WDR76: variants seen among roughly 807,000 people sequenced by gnomAD.
WDR76 encodes WD repeat domain 76.
In WDR76, 52 loss-of-function variants were observed where a neutral mutation model predicts 70.2. The ratio of observed to expected loss-of-function variants is 0.74; its 90% CI spans 0.59 to 0.93. The LOEUF is 0.93. Among genes scored for constraint, WDR76 ranks in the 40% least tolerant of loss-of-function variants. The probability of loss-of-function intolerance (pLI) is 0.00; values close to 1 mark genes in which losing one functional copy is unlikely to be tolerated. For synonymous variants in WDR76, 292 were observed against 271.1 expected (o/e 1.08, Z -0.76); for missense variants, 756 against 760.2 (o/e 0.99, Z 0.07).
rs1026791869 is a variant in WDR76, at chr15:43,848,802, G to C, written c.1033-2285G>C. On this transcript the variant is annotated intron_variant, in intron 8 of 12. Transcript: ENST00000263795. ...AAAAATACAAAATTAGCTGGGTATG[G>C]TGATGTGCACCTGTAATCCCAGCCA... is the stretch of plus-strand genomic sequence containing the variant. Among the ~76,000 whole-genome samples, 2 of 152,138 alleles carry C rather than the reference G, an allele frequency of 1.3e-5. 1 individual carries two copies. The highest frequency in any genetic ancestry group is 4.1e-4 in the South Asian group (2 of 4,824).
intron 2 of WDR76, among the ~76,000 whole-genome samples, chr15:43,834,267 T>G (rs541232688): frequency 1.2e-3 from 184 of 151,996 alleles, no homozygotes; most frequent in Non-Finnish European, 1.8e-3. Context: ...CTACTGCGTT[T>G]AAGGGAAGTT....
At chr15:43,836,017 C>G (rs2087651451) in intron 3 of WDR76, 144 bp from the exon 4 acceptor site, 1 of 583,678 alleles carries the variant, frequency 1.7e-6, no homozygotes, top group East Asian at 3.4e-5. Flanking sequence ...TACAGTGGCG[C>G]TGATCATGAC....
At chr15:43,863,360 A>G (rs1418541991) in intron 12 of WDR76, among the ~76,000 whole-genome samples, 1 of 152,100 alleles carries the variant, frequency 6.6e-6, no homozygotes, top group African/African-American at 2.4e-5. Flanking sequence ...CGTACTTACC[A>G]TTTTTTTGTG....
intron 2 of WDR76, among the ~76,000 whole-genome samples, chr15:43,830,314 G>A (rs1363910251): frequency 6.6e-6 from 1 of 151,970 alleles, no homozygotes; most frequent in Admixed American, 6.6e-5. Flanking sequence ...TGTAATCCCA[G>A]CACCTTGGGA....
At chr15:43,853,925 A>C (rs905804718) in intron 9 of WDR76, among the ~76,000 whole-genome samples, 104 of 151,870 alleles carry the variant, frequency 6.8e-4, no homozygotes, top group East Asian at 9.7e-4. Context: ...ACAAAAAAAA[A>C]CAAAAAAACC....
chr15:43,850,377 G>C (rs1432185270), intron 8 of WDR76, among the ~76,000 whole-genome samples: 1 of 151,670 alleles, frequency 6.6e-6, no homozygotes, highest in Non-Finnish European at 1.5e-5. Context: ...CTCACTGCAA[G>C]CTCCACCTCC....
rs1403136129 is a variant in WDR76 at position 43,856,935 on chromosome 15, T to A, written c.1192-11T>A. Reference sequence around the variant, plus strand: ...AGTGTGATATAAGCTGATTGTTACTTATATTCTTAGGTGTATAGAAATGAA... The same window carrying A: ...AGTGTGATATAAGCTGATTGTTACTAATATTCTTAGGTGTATAGAAATGAA... On this transcript the variant is annotated splice_polypyrimidine_tract_variant and intron_variant, in intron 9 of 12. Transcript: ENST00000263795. 2 of 1,608,480 alleles carry A rather than the reference T, an allele frequency of 1.2e-6. No individual in the cohort carries two copies. The highest frequency in any genetic ancestry group is 1.7e-6 in the Non-Finnish European group (2 of 1,177,164).
intron 11 of WDR76, among the ~76,000 whole-genome samples, chr15:43,859,672 C>T (rs554427576): frequency 3.9e-5 from 6 of 152,108 alleles, no homozygotes; most frequent in East Asian, 1.9e-4. Context: ...GAGAGTCACC[C>T]GGGAATGGTA....
At chr15:43,861,235 C>A in intron 11 of WDR76, 98 bp from the exon 12 acceptor site, 1 of 1,043,610 alleles carries the variant, frequency 9.6e-7, no homozygotes, top group Non-Finnish European at 1.5e-6. Flanking sequence ...TTATATATTT[C>A]ATACCATGAA....
rs747521607 is a variant in WDR76, at chr15:43,839,598, C to A, written c.609-7C>A. 2 of 1,604,302 alleles carry A rather than the reference C, an allele frequency of 1.2e-6. No homozygotes were observed. Among genetic ancestry groups the A allele is most frequent in the Non-Finnish European group, 1.7e-6 (2 of 1,175,944 alleles). The stretch of plus-strand genomic sequence containing the variant: ...AGTATAACATGAGTTTTTCCCCACT[C>A]CTTTAGAAAGAAGCCTAAGAGAGAA... On this transcript the variant is annotated splice_polypyrimidine_tract_variant and splice_region_variant and intron_variant, in intron 4 of 12. Transcript: ENST00000263795.
At chr15:43,861,501 C>T in intron 12 of WDR76, 115 bp downstream of exon 12, 1 of 1,064,180 alleles carries the variant, frequency 9.4e-7, no homozygotes, top group Non-Finnish European at 1.4e-6. Flanking sequence ...TTTTTGAATA[C>T]AAAAATTATA....
rs1302489388 is a variant in WDR76 at position 43,860,470 on chromosome 15, A to T, written c.1563-863A>T. Among the ~76,000 whole-genome samples, 3 of 152,042 alleles carry T rather than the reference A, an allele frequency of 2.0e-5. 1 individual carries two copies. The highest frequency in any genetic ancestry group is 4.4e-5 in the Non-Finnish European group (3 of 68,006). ...ATGATCGCTTTAGAATGGGCATTTT[A>T]TTTCTATTCATTTATCATTATTGAT... On this transcript the variant is annotated intron_variant, in intron 11 of 12. Transcript: ENST00000263795.
At chr15:43,856,148 A>G (rs1462366402) in intron 9 of WDR76, among the ~76,000 whole-genome samples, 3 of 152,140 alleles carry the variant, frequency 2.0e-5, no homozygotes, top group African/African-American at 7.2e-5. Flanking sequence ...ATGGTATTTC[A>G]AAATAGAGGT....
intron 12 of WDR76, chr15:43,864,049 A>G (rs893882156): frequency 2.0e-5 from 3 of 152,178 alleles, no homozygotes; most frequent in Non-Finnish European, 4.4e-5. Context: ...CATGTGGTAT[A>G]TGTCTTTCTG....
chr15:43,866,170 C>T lies in WDR76; in HGVS notation c.1659C>T (p.Ala553=). 6.2e-7 allele frequency: 1 copy of T among 1,614,170 alleles called. No individual in the cohort carries two copies. Among genetic ancestry groups the T allele is most frequent in the Non-Finnish European group, 8.5e-7 (1 of 1,180,026 alleles). The change falls in exon 13 of 13, where the codon GCC becomes GCT. Residue 553 remains alanine, a synonymous_variant. Coordinates refer to ENST00000263795, the MANE Select transcript of WDR76 (RefSeq NM_024908.4). ...GGCGATGGCTGACCAGGTTCCAAGC[C>T]ATGTGGGATCCTAAACAAGAAGACT... is the stretch of plus-strand genomic sequence containing the variant. The part of the protein sequence containing the change: ...FTGRWLTRFQ[A]MWDPKQEDCV...
Position 43,866,518 on chromosome 15 carries a change from A to C in WDR76, c.*126A>C. 2 of 1,085,496 alleles carry C rather than the reference A, an allele frequency of 1.8e-6. No homozygotes were observed. The highest frequency in any genetic ancestry group is 2.6e-6 in the Non-Finnish European group (2 of 761,772). 67.2% of individuals were successfully genotyped at this position (1,085,496 alleles called of 1,614,324 possible). On this transcript the variant is annotated 3_prime_UTR_variant, in exon 13 of 13. Transcript: ENST00000263795. ...TAGCAATTATAACATTGTTTTATTAATAAGACTATAAGAAGAGTGTACTTT... is the reference window on the plus strand; with the variant it reads ...TAGCAATTATAACATTGTTTTATTACTAAGACTATAAGAAGAGTGTACTTT...
At position 43,868,285 on chromosome 15, in the gene WDR76, G is replaced by C. The variant is rs1211096892; in HGVS notation, c.*1893G>C. 6.6e-6 allele frequency: 1 copy of C among 152,072 alleles called. No homozygotes were observed. Among genetic ancestry groups the C allele is most frequent in the Non-Finnish European group, 1.5e-5 (1 of 68,008 alleles). The allele number at this position is 152,072 out of a possible 1,614,324, so 9.4% of individuals were successfully genotyped here. ...TGGGTTCTAGAGTGGTTAGTTCTAC[G>C]GGAATTGTTTTTGTTTTTGTTTTTA... On this transcript the variant is annotated 3_prime_UTR_variant, in exon 13 of 13. Transcript: ENST00000263795.
chr15:43,827,745 T>C (rs2087534502), intron 1 of WDR76, among the ~76,000 whole-genome samples: 1 of 152,094 alleles, frequency 6.6e-6, no homozygotes, highest in African/African-American at 2.4e-5. Context: ...GGTGGTTTCA[T>C]TATGTTAGCC....
chr15:43,857,820 CAAAAAAAAAAAA>C (rs972013972), intron 10 of WDR76, among the ~76,000 whole-genome samples: 8 of 57,934 alleles, frequency 1.4e-4, no homozygotes, highest in Admixed American at 2.1e-4. Context: ...CTCTTGTCTC[CAAAAAAAAAAAA>C]AAAAAAAAAA....
Sources: allele counts gnomAD v4.1 joint callset (sites outside exome capture counted in the v4.1 genomes callset), GRCh38; gene constraint gnomAD v4.1.1; transcripts MANE v1.5; gene names NCBI Gene and HGNC (gene_info 2026-07-23, HGNC 2026-07-21).